Variants in FCER1G observed in about 807,000 individuals in gnomAD.
The protein encoded by FCER1G is high affinity immunoglobulin epsilon receptor subunit gamma.
FCER1G carries 7 observed loss-of-function variants against 17.3 expected under a neutral mutation model. The observed-to-expected ratio is 0.40, with a 90% CI of 0.23 to 0.76. FCER1G has a LOEUF of 0.76. FCER1G is among the 30% of genes least tolerant of loss of function. The pLI, the probability that FCER1G is intolerant of heterozygous loss-of-function variation, is 0.35. For synonymous variants in FCER1G, 35 were observed against 38.7 expected, an observed-to-expected ratio of 0.90 and a Z score of 0.35; for missense variants, 87 against 97.7, an observed-to-expected ratio of 0.89 and a Z score of 0.46.
Position 161,218,055 on chromosome 1 carries a change from C to A in FCER1G, c.119C>A (p.Thr40Asn). ...CTGTTTCTGTATGGAATTGTCCTCA[C>A]CCTCCTCTACTGTCGACTGAAGGTA... ...AILFLYGIVLTLLYCRLKIQV... is the reference protein window; with the variant it reads ...AILFLYGIVLNLLYCRLKIQV... Residue 40 changes from threonine (T) to asparagine (N), a missense_variant, in exon 2 of 5, where the codon ACC becomes AAC. Thr to Asn is a moderately conservative substitution (Grantham distance 65). Transcript: ENST00000289902. The A allele has an allele frequency of 6.2e-7, 1 of 1,613,738 alleles. No homozygotes were observed. The highest frequency in any genetic ancestry group is 8.5e-7 in the Non-Finnish European group (1 of 1,179,686).
chr1:161,216,154 T>C (rs1666040314), intron 1 of FCER1G, among the ~76,000 whole-genome samples: 1 of 151,868 alleles, frequency 6.6e-6, no homozygotes, highest in Non-Finnish European at 1.5e-5. Flanking sequence ...AGCTGATCTC[T>C]AGCTGGTTTA....
chr1:161,219,089 G>C lies in FCER1G; in HGVS notation c.*146G>C. ...TGTCCTAAATTAATATACACCAGTG[G>C]TTCCTCCTCCCTGTTAAAGACTAAT... On this transcript the variant is annotated 3_prime_UTR_variant, in exon 5 of 5. Transcript: ENST00000289902. 1 of 643,952 alleles carries C rather than the reference G, an allele frequency of 1.6e-6. No individual in the cohort carries two copies. The highest frequency in any genetic ancestry group is 2.8e-6 in the Non-Finnish European group (1 of 354,788). 39.9% of individuals were successfully genotyped at this position (643,952 alleles called of 1,614,324 possible). A position where few individuals can be genotyped will look rare whatever the true frequency, so the allele number is the denominator to read the frequency against.
chr1:161,216,826 G>A (rs1025362083), intron 1 of FCER1G, among the ~76,000 whole-genome samples: 2 of 152,174 alleles, frequency 1.3e-5, no homozygotes, highest in African/African-American at 4.8e-5. Context: ...TGACTGGGGA[G>A]GAATTCCAGC....
At chr1:161,217,103 T>C (rs1025348807) in intron 1 of FCER1G, among the ~76,000 whole-genome samples, 1 of 152,186 alleles carries the variant, frequency 6.6e-6, no homozygotes. Context: ...ATATCGTGTG[T>C]GTGAAAGAGT....
chr1:161,219,059 T>A lies in FCER1G; in HGVS notation c.*116T>A. ...CCAGCTGGCCCTACCCCTATAATGA[T>A]CCTGTGTCCTAAATTAATATACACC... On this transcript the variant is annotated 3_prime_UTR_variant, in exon 5 of 5. Transcript: ENST00000289902. The A allele has an allele frequency of 1.4e-6, 1 of 736,794 alleles. No individual in the cohort carries two copies. The highest frequency in any genetic ancestry group is 2.4e-6 in the Non-Finnish European group (1 of 413,594). 45.6% of individuals were successfully genotyped at this position (736,794 alleles called of 1,614,324 possible).
At chr1:161,216,427 T>TATATAGAGAG (rs1553250803) in intron 1 of FCER1G, among the ~76,000 whole-genome samples, 1 of 136,062 alleles carries the variant, frequency 7.3e-6, no homozygotes, top group African/African-American at 2.8e-5. Flanking sequence ...TATATATATA[T>TATATAGAGAG]AGAGAGAGAG....
intron 1 of FCER1G, among the ~76,000 whole-genome samples, chr1:161,217,192 C>T (rs567136505): frequency 1.8e-4 from 27 of 152,234 alleles, no homozygotes; most frequent in Admixed American, 6.5e-4. Flanking sequence ...TCCTCTGATA[C>T]GGGGTGAGAG....
intron 1 of FCER1G, among the ~76,000 whole-genome samples, chr1:161,217,253 C>G (rs933386595): frequency 2.0e-5 from 3 of 152,084 alleles, no homozygotes; most frequent in African/African-American, 7.2e-5. Flanking sequence ...CACAAAACTT[C>G]CCCTCTCAGA....
At chr1:161,217,381 C>T (rs1460892090) in intron 1 of FCER1G, among the ~76,000 whole-genome samples, 2 of 146,828 alleles carry the variant, frequency 1.4e-5, no homozygotes, top group Non-Finnish European at 3.0e-5. Context: ...GAAAAACAGA[C>T]ACACTTTTTT....
intron 1 of FCER1G, 73 bp downstream of exon 1, chr1:161,215,443 A>G: frequency 2.3e-6 from 3 of 1,323,206 alleles, no homozygotes; most frequent in Admixed American, 1.7e-5. Context: ...CTGAGGGCCA[A>G]GTCAAACACA....
At chr1:161,215,409 A>C in intron 1 of FCER1G, 39 bp downstream of exon 1, 1 of 1,590,080 alleles carries the variant, frequency 6.3e-7, no homozygotes, top group Non-Finnish European at 8.6e-7. Flanking sequence ...AGCTGGCTCC[A>C]GGGTGGAAGT....
In FCER1G at chr1:161,215,446, C is replaced by G. The variant is rs908977682; in HGVS notation, c.49+76C>G. On this transcript the variant is annotated intron_variant, in intron 1 of 4. Coordinates refer to ENST00000289902, the MANE Select transcript of FCER1G (RefSeq NM_004106.2). ...CAGAGCTTGGGTCTGAGGGCCAAGTCAAACACAGGTGAAGGAAGGCTGACA... is the reference window on the plus strand; with the variant it reads ...CAGAGCTTGGGTCTGAGGGCCAAGTGAAACACAGGTGAAGGAAGGCTGACA... The G allele has an allele frequency of 8.4e-6, 11 of 1,303,060 alleles. No homozygotes were observed. The South Asian group carries it at 1.2e-4, about 14-fold the overall frequency. 80.7% of individuals were successfully genotyped at this position (1,303,060 alleles called of 1,614,324 possible). A position where few individuals can be genotyped will look rare whatever the true frequency, so the allele number is the denominator to read the frequency against.
chr1:161,217,770 A>T (rs948490207), intron 1 of FCER1G, among the ~76,000 whole-genome samples: 4 of 152,164 alleles, frequency 2.6e-5, no homozygotes, highest in Non-Finnish European at 5.9e-5. Flanking sequence ...GTCCCATTTC[A>T]ATAGAACCCT....
chr1:161,218,869 T>A lies in FCER1G; in HGVS notation c.199-12T>A. 1 of 1,612,824 alleles carries A rather than the reference T, an allele frequency of 6.2e-7. No individual in the cohort carries two copies. On this transcript the variant is annotated splice_polypyrimidine_tract_variant and intron_variant, in intron 4 of 4. Coordinates refer to ENST00000289902, the MANE Select transcript of FCER1G (RefSeq NM_004106.2). ...CTCCAGCTCCTGATCGCCCTTTGACTCCCATCTCCAGGGCCTGAGCACCAG... is the reference window on the plus strand; with the variant it reads ...CTCCAGCTCCTGATCGCCCTTTGACACCCATCTCCAGGGCCTGAGCACCAG...
In FCER1G at chr1:161,218,960, G is replaced by A; in HGVS notation, c.*17G>A. 1.3e-6 allele frequency: 2 copies of A among 1,598,442 alleles called. No homozygotes were observed. The highest frequency in any genetic ancestry group is 1.7e-6 in the Non-Finnish European group (2 of 1,165,778). On this transcript the variant is annotated 3_prime_UTR_variant, in exon 5 of 5. Transcript: ENST00000289902. The stretch of plus-strand genomic sequence containing the variant: ...CCACAGTAGCTTTAGAATAGATGCG[G>A]TCATATTCTTCTTTGGCTTCTGGTT...
At chr1:161,215,539 C>T (rs1666017194) in intron 1 of FCER1G, among the ~76,000 whole-genome samples, 169 bp downstream of exon 1, 1 of 152,128 alleles carries the variant, frequency 6.6e-6, no homozygotes, top group African/African-American at 2.4e-5. Flanking sequence ...GCACTAGACT[C>T]ATAGTTCCCT....
intron 3 of FCER1G, 81 bp from the exon 4 acceptor site, chr1:161,218,622 T>G (rs1666097969): frequency 6.7e-7 from 1 of 1,491,564 alleles, no homozygotes; most frequent in African/African-American, 1.4e-5. Flanking sequence ...CCACCCCCCA[T>G]GCCTCCCTGG....
intron 1 of FCER1G, among the ~76,000 whole-genome samples, chr1:161,217,371 G>GA (rs1571630588): frequency 1.3e-5 from 2 of 149,464 alleles, no homozygotes; most frequent in South Asian, 4.3e-4. Context: ...TAAGGTCTGG[G>GA]AAAAACAGAC....
At chr1:161,216,602 C>A (rs893254167) in intron 1 of FCER1G, among the ~76,000 whole-genome samples, 6 of 152,044 alleles carry the variant, frequency 3.9e-5, no homozygotes, top group African/African-American at 1.4e-4. Flanking sequence ...GCATGAGATC[C>A]CCAGTTCCAG....
Sources: gnomAD v4.1 joint callset for allele counts (sites outside exome capture counted in the v4.1 genomes callset) on GRCh38, gnomAD v4.1.1 for gene constraint, MANE v1.5 for transcripts, NCBI Gene and HGNC (gene_info 2026-07-23, HGNC 2026-07-21) for gene names.